The following WDR25 variants were observed in gnomAD, a reference collection of about 807,000 sequenced individuals.
The protein encoded by WDR25 is WD repeat domain 25.
In WDR25, 35 loss-of-function variants were observed where a neutral mutation model predicts 47.7. The observed-to-expected ratio is 0.73, with a 90% CI of 0.56 to 0.97. The LOEUF is 0.97. WDR25 is among the 50% of genes least tolerant of loss of function. WDR25 has a pLI of 0.00. For synonymous variants in WDR25, 248 were observed against 278.9 expected (o/e 0.89, Z 1.10); for missense variants, 634 against 704.7 (o/e 0.90, Z 1.14).
Position 100,381,278 on chromosome 14 carries a change from G to T in WDR25, c.354G>T (p.Trp118Cys), listed in dbSNP as rs767951618. ...AAGAGCCTTCTTGTTCTTCTCTGTG[G>T]ACGAGCCATGTTCCAGCCAGCCACA... ...PIKEPSCSSL[W>C]TSHVPASHMP... The change falls in exon 2 of 7, where the codon TGG becomes TGT. Residue 118 changes from tryptophan (W) to cysteine (C), a missense_variant. Transcript: ENST00000402312. 6.2e-7 allele frequency: 1 copy of T among 1,614,118 alleles called. No homozygotes were observed. The highest frequency in any genetic ancestry group is 8.5e-7 in the Non-Finnish European group (1 of 1,180,016).
intron 2 of WDR25, among the ~76,000 whole-genome samples, chr14:100,419,583 GT>G (rs751157608): frequency 9.2e-5 from 14 of 152,202 alleles, no homozygotes; most frequent in Non-Finnish European, 1.6e-4. Flanking sequence ...TATTCTAGAA[GT>G]TTTGGCAGCC....
At chr14:100,504,817 G>A (rs1330443617) in intron 4 of WDR25, 1 of 152,132 alleles carries the variant, frequency 6.6e-6, no homozygotes, top group Admixed American at 6.5e-5. Context: ...TTCCAAAGTG[G>A]TTGTACCATT....
intron 4 of WDR25, among the ~76,000 whole-genome samples, chr14:100,519,703 GTATATATAGTGTA>G (rs1901633110): frequency 1.4e-5 from 2 of 139,684 alleles, no homozygotes; most frequent in African/African-American, 5.3e-5. Context: ...TCTATATATA[GTATATATAGTGTA>G]TATATACTAT....
At chr14:100,443,683 AG>A (rs758548910) in intron 2 of WDR25, among the ~76,000 whole-genome samples, 1 of 152,170 alleles carries the variant, frequency 6.6e-6, no homozygotes. Flanking sequence ...TGCATTATTT[AG>A]AGCCTGTCGC....
In WDR25 at chr14:100,381,284, C is replaced by T. The variant is rs754498693; in HGVS notation, c.360C>T (p.Ser120=). The stretch of plus-strand genomic sequence containing the variant: ...CTTCTTGTTCTTCTCTGTGGACGAG[C>T]CATGTTCCAGCCAGCCACATGCCCC... ...KEPSCSSLWT[S]HVPASHMPLA... Residue 120 remains serine, a synonymous_variant, in exon 2 of 7, where the codon AGC becomes AGT. Coordinates refer to ENST00000402312, the MANE Select transcript of WDR25 (RefSeq NM_001161476.3). 110 of 1,614,174 alleles carry T rather than the reference C, an allele frequency of 6.8e-5. No homozygotes were observed. In the Middle Eastern group the frequency reaches 1.3e-3, roughly 19 times the overall value.
At chr14:100,520,254 A>T (rs185178682) in intron 4 of WDR25, among the ~76,000 whole-genome samples, 1 of 151,872 alleles carries the variant, frequency 6.6e-6, no homozygotes, top group Non-Finnish European at 1.5e-5. Context: ...AAAATATATT[A>T]TTGTTTATAC....
intron 2 of WDR25, among the ~76,000 whole-genome samples, chr14:100,452,221 T>C (rs183014251): frequency 1.3e-5 from 2 of 152,326 alleles, no homozygotes; most frequent in African/African-American, 4.8e-5. Flanking sequence ...CCATTTATTC[T>C]ATCTATGCCG....
chr14:100,458,598 G>A (rs1377686083), intron 2 of WDR25, among the ~76,000 whole-genome samples: 1 of 152,038 alleles, frequency 6.6e-6, no homozygotes, highest in East Asian at 1.9e-4. Context: ...TGTAACAACA[G>A]CAGAATATAC....
chr14:100,401,351 C>T (rs567679187), intron 2 of WDR25, among the ~76,000 whole-genome samples: 15 of 152,350 alleles, frequency 9.8e-5, no homozygotes, highest in Admixed American at 9.1e-4. Flanking sequence ...TTATCACCTT[C>T]TCTGGTTGAT....
chr14:100,396,149 T>C (rs1897255480), intron 2 of WDR25, among the ~76,000 whole-genome samples: 1 of 152,016 alleles, frequency 6.6e-6, no homozygotes, highest in South Asian at 2.1e-4. Context: ...GCTAATTTTT[T>C]GTATTTGTAG....
chr14:100,433,954 A>G (rs1182851336), intron 2 of WDR25, among the ~76,000 whole-genome samples: 3 of 152,000 alleles, frequency 2.0e-5, no homozygotes, highest in Non-Finnish European at 2.9e-5. Context: ...GGCCAGGCAT[A>G]GTGGCTCATG....
At chr14:100,427,960 G>C (rs1898216910) in intron 2 of WDR25, among the ~76,000 whole-genome samples, 1 of 152,222 alleles carries the variant, frequency 6.6e-6, no homozygotes, top group Non-Finnish European at 1.5e-5. Flanking sequence ...ACAGCCAGTG[G>C]AGGCCTTGCA....
In WDR25 at chr14:100,530,145, G is replaced by C. The variant is rs576134731; in HGVS notation, c.*104G>C. On this transcript the variant is annotated 3_prime_UTR_variant, in exon 7 of 7. Transcript: ENST00000402312. ...AGCACAGAGGTTGGCTGTGGGTCCT[G>C]GGTACCACCTTCTGAGCCTCAGTTT... is the stretch of plus-strand genomic sequence containing the variant. 552 of 1,160,770 alleles carry C rather than the reference G, an allele frequency of 4.8e-4. 1 individual carries two copies. Among genetic ancestry groups the C allele is most frequent in the Middle Eastern group, 9.9e-4 (5 of 5,028 alleles). The allele number at this position is 1,160,770 out of a possible 1,614,324, so 71.9% of individuals were successfully genotyped here. A position where few individuals can be genotyped will look rare whatever the true frequency, so the allele number is the denominator to read the frequency against.
At chr14:100,429,712 T>C (rs989612802) in intron 2 of WDR25, among the ~76,000 whole-genome samples, 2 of 152,296 alleles carry the variant, frequency 1.3e-5, no homozygotes, top group Admixed American at 6.5e-5. Flanking sequence ...GCCAGCAGCA[T>C]TGGTGTCAGG....
intron 2 of WDR25, among the ~76,000 whole-genome samples, chr14:100,432,836 A>G (rs1898380135): frequency 6.6e-6 from 1 of 152,258 alleles, no homozygotes; most frequent in Non-Finnish European, 1.5e-5. Flanking sequence ...GGAACACCAT[A>G]TAGTGTACCT....
chr14:100,457,813 A>G (rs1899253433), intron 2 of WDR25, among the ~76,000 whole-genome samples: 1 of 152,234 alleles, frequency 6.6e-6, no homozygotes, highest in African/African-American at 2.4e-5. Flanking sequence ...GAGATTGTGT[A>G]TATTATTGTT....
At chr14:100,508,683 T>C (rs1399283788) in intron 4 of WDR25, among the ~76,000 whole-genome samples, 1 of 152,206 alleles carries the variant, frequency 6.6e-6, no homozygotes, top group Non-Finnish European at 1.5e-5. Flanking sequence ...TTGTCTTGTT[T>C]CTCATTTTGT....
At chr14:100,520,646 G>T (rs1031246948) in intron 4 of WDR25, among the ~76,000 whole-genome samples, 3 of 152,170 alleles carry the variant, frequency 2.0e-5, no homozygotes, top group African/African-American at 7.2e-5. Context: ...ACTTTGCCTT[G>T]CATCTTGGCA....
intron 4 of WDR25, among the ~76,000 whole-genome samples, chr14:100,491,789 A>G (rs949278336): frequency 3.9e-5 from 6 of 152,242 alleles, no homozygotes; most frequent in African/African-American, 1.4e-4. Context: ...GCCTGGTGTC[A>G]GGACCTGGCC....
Sources: gnomAD v4.1 joint callset for allele counts (sites outside exome capture counted in the v4.1 genomes callset) on GRCh38, gnomAD v4.1.1 for gene constraint, MANE v1.5 for transcripts, NCBI Gene and HGNC (gene_info 2026-07-23, HGNC 2026-07-21) for gene names.